Variants in OR56A5 observed in about 807,000 individuals in gnomAD.
OR56A5 encodes the protein olfactory receptor family 56 subfamily A member 5.
A neutral mutation model predicts 13.8 loss-of-function variants in OR56A5; 10 were observed. That is an observed-to-expected ratio of 0.73 (90% CI 0.45 to 1.23). The LOEUF (loss-of-function observed/expected upper bound fraction) is 1.23. Ranked by LOEUF, OR56A5 falls within the 50% of genes most tolerant of loss-of-function variation. The pLI, the probability that OR56A5 is intolerant of heterozygous loss-of-function variation, is 0.00. For missense variants in OR56A5, 377 were observed against 370.9 expected, an observed-to-expected ratio of 1.02 and a Z score of -0.13; for synonymous variants, 156 against 150.8, an observed-to-expected ratio of 1.03 and a Z score of -0.25.
chr11:5,968,428 A>C lies in OR56A5; in HGVS notation c.67T>G (p.Phe23Val). ...FEFFLICFPS[F>V]QSWQHWLSLP... Reference sequence around the variant, plus strand: ...GACAGCCAGTGCTGCCAGCTCTGGAAACTGGGGAAACAAATGAGGAAGAAT... The same window carrying C: ...GACAGCCAGTGCTGCCAGCTCTGGACACTGGGGAAACAAATGAGGAAGAAT... The change falls in exon 1 of 1, where the codon TTC becomes GTC. Residue 23 changes from phenylalanine to valine, a missense_variant. Transcript: ENST00000532411. 6.3e-7 allele frequency: 1 copy of C among 1,599,116 alleles called. No homozygotes were observed.
At position 5,967,644 on chromosome 11, in the gene OR56A5, T is replaced by G. The variant is rs756849900; in HGVS notation, c.851A>C (p.His284Pro). The G allele has an allele frequency of 1.1e-5, 17 of 1,613,912 alleles. No homozygotes were observed. The highest frequency in any genetic ancestry group is 1.4e-5 in the Non-Finnish European group (16 of 1,179,946). Reference protein sequence around the residue: ...DVPILLNILHHLIPPALNPIV... With the variant: ...DVPILLNILHPLIPPALNPIV... ...GGGGTTCAGAGCTGGGGGAATAAGG[T>G]GGTGCAGGATGTTGAGCAGGATGGG... Residue 284 changes from histidine to proline, a missense_variant, in exon 1 of 1, where the codon CAC becomes CCC. By Grantham distance (77) the His-to-Pro change is moderately conservative. Coordinates refer to ENST00000532411, the MANE Select transcript of OR56A5 (RefSeq NM_001146033.1).
At position 5,967,601 on chromosome 11, in the gene OR56A5, T is replaced by C; in HGVS notation, c.894A>G (p.Arg298=). ...PALNPIVYGV[R]TKEIKQGIQN... is the part of the protein sequence containing the mutation. Reference sequence around the variant, plus strand: ...GGATTCCCTGCTTGATCTCCTTGGTTCTCACACCATAAACAATGGGGTTCA... The same window carrying C: ...GGATTCCCTGCTTGATCTCCTTGGTCCTCACACCATAAACAATGGGGTTCA... Residue 298 remains arginine, a synonymous_variant, in exon 1 of 1, where the codon AGA becomes AGG. Coordinates refer to ENST00000532411, the MANE Select transcript of OR56A5 (RefSeq NM_001146033.1). The C allele has an allele frequency of 6.2e-7, 1 of 1,613,580 alleles. No homozygotes were observed. The highest frequency in any genetic ancestry group is 8.5e-7 in the Non-Finnish European group (1 of 1,179,736).
rs1271045436 is a variant in OR56A5, at chr11:5,968,085, G to A, written c.410C>T (p.Ser137Phe). 2 of 1,613,692 alleles carry A rather than the reference G, an allele frequency of 1.2e-6. No homozygotes were observed. Among genetic ancestry groups the A allele is most frequent in the Middle Eastern group, 1.7e-4 (1 of 6,060 alleles). ...VAICKPLQYS[S>F]IITDQFVARA... Reference sequence around the variant, plus strand: ...AGCGACAAATTGATCAGTGATGATGGATGAGTACTGTAGGGGCTTGCAGAT... The same window carrying A: ...AGCGACAAATTGATCAGTGATGATGAATGAGTACTGTAGGGGCTTGCAGAT... Residue 137 changes from serine (S) to phenylalanine (F), a missense_variant, in exon 1 of 1, where the codon TCC becomes TTC. Ser to Phe is a radical substitution (Grantham distance 155). Transcript: ENST00000532411.
rs1848004227 is a variant in OR56A5, at chr11:5,967,869, AG to A, written c.625del (p.Leu209CysfsTer17). 6.4e-7 allele frequency: 1 copy of A among 1,574,708 alleles called. No individual in the cohort carries two copies. Among genetic ancestry groups the A allele is most frequent in the Non-Finnish European group, 8.6e-7 (1 of 1,158,746 alleles). On this transcript the variant is annotated frameshift_variant, in exon 1 of 1. Coordinates refer to ENST00000532411, the MANE Select transcript of OR56A5 (RefSeq NM_001146033.1). LOFTEE classifies it high-confidence loss of function. The stretch of plus-strand genomic sequence containing the variant: ...AATAAGGATGAGGTCAGAGCCCAGC[AG>A]GGTCCAACCTATAACAAACTGGTAG... ...QSYQFVIGWTLLGSDLILIVL... is the reference protein window; with the variant it reads ...QSYQFVIGWTXLGSDLILIVL...
In OR56A5 at chr11:5,968,423, C is replaced by G; in HGVS notation, c.72G>C (p.Gln24His). ...EFFLICFPSF[Q>H]SWQHWLSLPL... ...GCAGAGACAGCCAGTGCTGCCAGCT[C>G]TGGAAACTGGGGAAACAAATGAGGA... The change falls in exon 1 of 1, where the codon CAG becomes CAC. Residue 24 changes from glutamine to histidine, a missense_variant. Gln to His is a conservative substitution (Grantham distance 24, BLOSUM62 0). Coordinates refer to ENST00000532411, the MANE Select transcript of OR56A5 (RefSeq NM_001146033.1). 1.2e-6 allele frequency: 2 copies of G among 1,604,238 alleles called. No homozygotes were observed. The highest frequency in any genetic ancestry group is 1.7e-6 in the Non-Finnish European group (2 of 1,174,862).
chr11:5,968,396 G>C lies in OR56A5; in HGVS notation c.99C>G (p.Pro33=). ...TGGCCAGGAGGAAGAGGAGGCTGAG[G>C]GGCAGAGACAGCCAGTGCTGCCAGC... The part of the protein sequence containing the change: ...FQSWQHWLSL[P]LSLLFLLAMG... The change falls in exon 1 of 1, where the codon CCC becomes CCG. Residue 33 remains proline (P), a synonymous_variant. Coordinates refer to ENST00000532411, the MANE Select transcript of OR56A5 (RefSeq NM_001146033.1). 1.2e-6 allele frequency: 2 copies of C among 1,612,938 alleles called. No homozygotes were observed. Among genetic ancestry groups the C allele is most frequent in the South Asian group, 2.2e-5 (2 of 90,948 alleles).
Position 5,968,053 on chromosome 11 carries a change from C to T in OR56A5, c.442G>A (p.Ala148Thr), listed in dbSNP as rs774047367. The stretch of plus-strand genomic sequence containing the variant: ...CCATTCCTGGCCACAACAAAGATGG[C>T]AGCCCTAGCGACAAATTGATCAGTG... ...IITDQFVARAAIFVVARNGLL... is the reference protein window; with the variant it reads ...IITDQFVARATIFVVARNGLL... The change falls in exon 1 of 1, where the codon GCC (alanine) becomes ACC (threonine). Residue 148 changes from alanine to threonine, a missense_variant. By Grantham distance (58) the Ala-to-Thr change is moderately conservative. Coordinates refer to ENST00000532411, the MANE Select transcript of OR56A5 (RefSeq NM_001146033.1). 2 of 1,607,432 alleles carry T rather than the reference C, an allele frequency of 1.2e-6. No individual in the cohort carries two copies. Among genetic ancestry groups the T allele is most frequent in the Non-Finnish European group, 1.7e-6 (2 of 1,176,380 alleles).
Position 5,967,735 on chromosome 11 carries a change from A to C in OR56A5, c.760T>G (p.Phe254Val). 1.2e-6 allele frequency: 2 copies of C among 1,611,006 alleles called. No homozygotes were observed. The highest frequency in any genetic ancestry group is 1.7e-6 in the Non-Finnish European group (2 of 1,178,506). The change falls in exon 1 of 1, where the codon TTC becomes GTC. Residue 254 changes from phenylalanine (F) to valine (V), a missense_variant. Physicochemically the swap from Phe to Val is conservative, Grantham distance 50 (BLOSUM62 -1). Coordinates refer to ENST00000532411, the MANE Select transcript of OR56A5 (RefSeq NM_001146033.1). ...ACCAGAACCAGCAGGACTGTGGTGA[A>C]GAAGAGGATGAGGATGAAGTGGGAA... ...CGSHFILILF[F>V]TTVLLVLVIT...
chr11:5,967,764 C>A lies in OR56A5; in HGVS notation c.731G>T (p.Cys244Phe). 6.2e-7 allele frequency: 1 copy of A among 1,600,200 alleles called. No individual in the cohort carries two copies. Among genetic ancestry groups the A allele is most frequent in the Non-Finnish European group, 8.5e-7 (1 of 1,172,478 alleles). Residue 244 changes from cysteine (C) to phenylalanine (F), a missense_variant, in exon 1 of 1, where the codon TGT (cysteine) becomes TTT (phenylalanine). By Grantham distance (205) the Cys-to-Phe change is radical (BLOSUM62 -2). Transcript: ENST00000532411. ...GAGGATGAGGATGAAGTGGGAACCACAAGTACCTAGAGCTTTGGCCATATC... is the reference window on the plus strand; with the variant it reads ...GAGGATGAGGATGAAGTGGGAACCAAAAGTACCTAGAGCTTTGGCCATATC... ...EGDMAKALGTCGSHFILILFF... is the reference protein window; with the variant it reads ...EGDMAKALGTFGSHFILILFF...
rs757009276 is a variant in OR56A5, at chr11:5,968,464, G to C, written c.31C>G (p.Pro11Ala). 6.4e-7 allele frequency: 1 copy of C among 1,561,624 alleles called. No individual in the cohort carries two copies. The highest frequency in any genetic ancestry group is 1.9e-5 in the Admixed American group (1 of 51,798). The change falls in exon 1 of 1, where the codon CCA becomes GCA. Residue 11 changes from proline to alanine, a missense_variant. Coordinates refer to ENST00000532411, the MANE Select transcript of OR56A5 (RefSeq NM_001146033.1). ...CAAATGAGGAAGAATTCAAAGACTG[G>C]GGAAGTGGAGTTGTTGCTGGGTAAT... Reference protein sequence around the residue: MTLPSNNSTSPVFEFFLICFP... With the variant: MTLPSNNSTSAVFEFFLICFP...
Position 5,967,883 on chromosome 11 carries a change from A to G in OR56A5, c.612T>C (p.Val204=). The change falls in exon 1 of 1, where the codon GTT becomes GTC. Residue 204 remains valine (V), a synonymous_variant. Transcript: ENST00000532411. ...CAGAGCCCAGCAGGGTCCAACCTAT[A>G]ACAAACTGGTAGCTCTGATTCAAGG... The part of the protein sequence containing the change: ...DITLNQSYQF[V]IGWTLLGSDL... 1 of 1,581,708 alleles carries G rather than the reference A, an allele frequency of 6.3e-7. No homozygotes were observed. Among genetic ancestry groups the G allele is most frequent in the Non-Finnish European group, 8.6e-7 (1 of 1,162,424 alleles).
In OR56A5 at chr11:5,967,885, C is replaced by T. The variant is rs1156745155; in HGVS notation, c.610G>A (p.Val204Ile). 1 of 1,582,486 alleles carries T rather than the reference C, an allele frequency of 6.3e-7. No homozygotes were observed. The highest frequency in any genetic ancestry group is 8.6e-7 in the Non-Finnish European group (1 of 1,162,834). Reference protein sequence around the residue: ...DITLNQSYQFVIGWTLLGSDL... With the variant: ...DITLNQSYQFIIGWTLLGSDL... Reference sequence around the variant, plus strand: ...GAGCCCAGCAGGGTCCAACCTATAACAAACTGGTAGCTCTGATTCAAGGTG... The same window carrying T: ...GAGCCCAGCAGGGTCCAACCTATAATAAACTGGTAGCTCTGATTCAAGGTG... Residue 204 changes from valine (V) to isoleucine (I), a missense_variant, in exon 1 of 1, where the codon GTT becomes ATT. Val to Ile is a conservative substitution (Grantham distance 29). Transcript: ENST00000532411.
chr11:5,967,727 T>G lies in OR56A5; in HGVS notation c.768A>C (p.Thr256=), dbSNP rs1476369369. 1 of 1,612,144 alleles carries G rather than the reference T, an allele frequency of 6.2e-7. No homozygotes were observed. Among genetic ancestry groups the G allele is most frequent in the Non-Finnish European group, 8.5e-7 (1 of 1,179,118 alleles). Residue 256 remains threonine, a synonymous_variant, in exon 1 of 1, where the codon ACA becomes ACC. Coordinates refer to ENST00000532411, the MANE Select transcript of OR56A5 (RefSeq NM_001146033.1). ...SHFILILFFT[T]VLLVLVITNL... Reference sequence around the variant, plus strand: ...TAGTGATGACCAGAACCAGCAGGACTGTGGTGAAGAAGAGGATGAGGATGA... The same window carrying G: ...TAGTGATGACCAGAACCAGCAGGACGGTGGTGAAGAAGAGGATGAGGATGA...
At position 5,967,658 on chromosome 11, in the gene OR56A5, G is replaced by A. The variant is rs1021050358; in HGVS notation, c.837C>T (p.Leu279=). The stretch of plus-strand genomic sequence containing the variant: ...GGGGAATAAGGTGGTGCAGGATGTT[G>A]AGCAGGATGGGGACATCCGGAGGAA... ...KRIPPDVPIL[L]NILHHLIPPA... The change falls in exon 1 of 1, where the codon CTC becomes CTT. Residue 279 remains leucine, a synonymous_variant. Transcript: ENST00000532411. 6.8e-6 allele frequency: 11 copies of A among 1,613,988 alleles called. No homozygotes were observed. Among genetic ancestry groups the A allele is most frequent in the Non-Finnish European group, 9.3e-6 (11 of 1,179,962 alleles).
Position 5,968,101 on chromosome 11 carries a change from G to T in OR56A5, c.394C>A (p.Pro132Thr), listed in dbSNP as rs758515958. 11 of 1,614,056 alleles carry T rather than the reference G, an allele frequency of 6.8e-6. No individual in the cohort carries two copies. Among genetic ancestry groups the T allele is most frequent in the Non-Finnish European group, 1.7e-6 (2 of 1,179,948 alleles). The change falls in exon 1 of 1, where the codon CCC (proline) becomes ACC (threonine). Residue 132 changes from proline to threonine, a missense_variant. By Grantham distance (38) the Pro-to-Thr change is conservative. Coordinates refer to ENST00000532411, the MANE Select transcript of OR56A5 (RefSeq NM_001146033.1). ...AYDRYVAICK[P>T]LQYSSIITDQ... is the part of the protein sequence containing the mutation. Reference sequence around the variant, plus strand: ...GTGATGATGGATGAGTACTGTAGGGGCTTGCAGATGGCCACATAGCGGTCA... The same window carrying T: ...GTGATGATGGATGAGTACTGTAGGGTCTTGCAGATGGCCACATAGCGGTCA...
At position 5,967,696 on chromosome 11, in the gene OR56A5, C is replaced by G. The variant is rs774737515; in HGVS notation, c.799G>C (p.Ala267Pro). 3 of 1,613,308 alleles carry G rather than the reference C, an allele frequency of 1.9e-6. No homozygotes were observed. Among genetic ancestry groups the G allele is most frequent in the Admixed American group, 1.7e-5 (1 of 59,904 alleles). ...VLLVLVITNL[A>P]RKRIPPDVPI... Reference sequence around the variant, plus strand: ...ACATCCGGAGGAATTCTCTTCCTGGCCAGGTTAGTGATGACCAGAACCAGC... The same window carrying G: ...ACATCCGGAGGAATTCTCTTCCTGGGCAGGTTAGTGATGACCAGAACCAGC... The change falls in exon 1 of 1, where the codon GCC (alanine) becomes CCC (proline). Residue 267 changes from alanine (A) to proline (P), a missense_variant. Coordinates refer to ENST00000532411, the MANE Select transcript of OR56A5 (RefSeq NM_001146033.1).
In OR56A5 at chr11:5,967,947, G is replaced by A; in HGVS notation, c.548C>T (p.Thr183Ile). The change falls in exon 1 of 1, where the codon ACT (threonine) becomes ATT (isoleucine). Residue 183 changes from threonine to isoleucine, a missense_variant. Thr to Ile is a moderately conservative substitution (Grantham distance 89). Transcript: ENST00000532411. ...AGAGAGTTTAGACACAGACACGTTA[G>A]TACAGATGCAGTTCTTGATGATGTG... The part of the protein sequence containing the change: ...AGHIIKNCIC[T>I]NVSVSKLSCD... 6.3e-7 allele frequency: 1 copy of A among 1,595,160 alleles called. No homozygotes were observed.
rs1379833449 is a variant in OR56A5 at position 5,967,833 on chromosome 11, T to C, written c.662A>G (p.Tyr221Cys). 2.6e-6 allele frequency: 4 copies of C among 1,565,030 alleles called. No homozygotes were observed. The highest frequency in any genetic ancestry group is 2.6e-6 in the Non-Finnish European group (3 of 1,153,712). ...TAGCACAGTTTTCAAGATAAAAAAG[T>C]AAGAGAGAACAATAAGGATGAGGTC... Reference protein sequence around the residue: ...GSDLILIVLSYFFILKTVLRI... With the variant: ...GSDLILIVLSCFFILKTVLRI... The change falls in exon 1 of 1, where the codon TAC becomes TGC. Residue 221 changes from tyrosine (Y) to cysteine (C), a missense_variant. Tyr to Cys is a radical substitution (Grantham distance 194). Coordinates refer to ENST00000532411, the MANE Select transcript of OR56A5 (RefSeq NM_001146033.1).
Position 5,967,995 on chromosome 11 carries a change from GAAGA to G in OR56A5, c.496_499del (p.Ser166LeufsTer31). 1 of 1,590,122 alleles carries G rather than the reference GAAGA, an allele frequency of 6.3e-7. No individual in the cohort carries two copies. Among genetic ancestry groups the G allele is most frequent in the Non-Finnish European group, 8.6e-7 (1 of 1,166,994 alleles). On this transcript the variant is annotated frameshift_variant, in exon 1 of 1. Coordinates refer to ENST00000532411, the MANE Select transcript of OR56A5 (RefSeq NM_001146033.1). LOFTEE classifies it high-confidence loss of function. ...GTGTCCTGCACAGTATCTGAGTCGA[GAAGA>G]AAGTATGGGGATAGGCATAGTAAGA...
Sources: gnomAD v4.1 joint callset for allele counts on GRCh38, gnomAD v4.1.1 for gene constraint, MANE v1.5 for transcripts, NCBI Gene and HGNC (gene_info 2026-07-23, HGNC 2026-07-21) for gene names.